The following AXIN1 variants were observed in gnomAD, a reference collection of about 807,000 sequenced individuals.
The protein encoded by AXIN1 is axin-1.
AXIN1 carries 30 observed loss-of-function variants against 76.4 expected under a neutral mutation model. The ratio of observed to expected loss-of-function variants is 0.39; its 90% CI spans 0.29 to 0.53. The LOEUF (loss-of-function observed/expected upper bound fraction) is 0.53, where lower values mean the gene tolerates loss of function less well. AXIN1 is among the 20% of genes least tolerant of loss of function. AXIN1 has a pLI of 0.66. For missense variants in AXIN1, 1,140 were observed against 1,198.8 expected (o/e 0.95, Z 0.72); for synonymous variants, 545 against 501.4 (o/e 1.09, Z -1.16).
intron 10 of AXIN1, 181 bp from the exon 11 acceptor site, chr16:288,429 G>C (rs1378373914): frequency 1.1e-6 from 1 of 885,766 alleles, no homozygotes; most frequent in Non-Finnish European, 1.8e-6. Flanking sequence ...ACCACATGTG[G>C]GTGAAGTGGG....
intron 1 of AXIN1, among the ~76,000 whole-genome samples, chr16:348,856 T>C (rs900725361): frequency 6.6e-6 from 1 of 151,200 alleles, no homozygotes; most frequent in South Asian, 2.1e-4. Context: ...CCCAGCACTT[T>C]GGGAAGCCAA....
chr16:340,032 T>C (rs2053885182), intron 2 of AXIN1, among the ~76,000 whole-genome samples: 1 of 150,880 alleles, frequency 6.6e-6, no homozygotes. Flanking sequence ...CCTTTCTTTT[T>C]CTTCTTCTTC....
At position 297,303 on chromosome 16, in the gene AXIN1, C is replaced by G. The variant is rs573085826; in HGVS notation, c.1785-77G>C. 5 of 1,573,724 alleles carry G rather than the reference C, an allele frequency of 3.2e-6. No individual in the cohort carries two copies. The African/African-American group carries it at 6.7e-5, about 21-fold the overall frequency. ...GCCCCTTCCTCGTCTGCGAGGCCCC[C>G]TCCTGGCATCTGTAAGGCTCCCGTG... On this transcript the variant is annotated intron_variant, in intron 6 of 10. Coordinates refer to ENST00000262320, the MANE Select transcript of AXIN1 (RefSeq NM_003502.4).
intron 3 of AXIN1, among the ~76,000 whole-genome samples, chr16:312,685 A>G (rs1423396109): frequency 6.6e-6 from 1 of 150,548 alleles, no homozygotes; most frequent in African/African-American, 2.5e-5. Context: ...CGAGGATGAA[A>G]GAAACCAGGA....
In AXIN1 at chr16:352,599, G is replaced by C. The variant is rs2054169984; in HGVS notation, c.-312C>G. ...TCCCACCCGCCCGCTCCGCGTGGACGCGGCTCCGGGCCGACTCCGGCCGGC... is the reference window on the plus strand; with the variant it reads ...TCCCACCCGCCCGCTCCGCGTGGACCCGGCTCCGGGCCGACTCCGGCCGGC... On this transcript the variant is annotated 5_prime_UTR_variant, in exon 1 of 11. Transcript: ENST00000262320. 5.8e-6 allele frequency: 1 copy of C among 172,224 alleles called. No individual in the cohort carries two copies. Among genetic ancestry groups the C allele is most frequent in the South Asian group, 1.9e-4 (1 of 5,276 alleles). 10.7% of individuals were successfully genotyped at this position (172,224 alleles called of 1,614,324 possible). A position where few individuals can be genotyped will look rare whatever the true frequency, so the allele number is the denominator to read the frequency against.
chr16:341,176 G>A (rs2053910691), intron 2 of AXIN1, among the ~76,000 whole-genome samples: 1 of 152,282 alleles, frequency 6.6e-6, no homozygotes, highest in South Asian at 2.1e-4. Context: ...CACTTGAGGA[G>A]CCCTTCAGCC....
chr16:331,931 G>T lies in AXIN1; in HGVS notation c.878+14217C>A, dbSNP rs556185551. 2.3e-3 allele frequency among the ~76,000 whole-genome samples: 345 copies of T among 152,294 alleles called. 1 individual carries two copies. Among genetic ancestry groups the T allele is most frequent in the Middle Eastern group, 0.01 (3 of 294 alleles). Reference sequence around the variant, plus strand: ...CCCTGCTCAAAAGCGCTGTTTCCAGGCCTGTGGGTTCCAGAGACCACGGTG... The same window carrying T: ...CCCTGCTCAAAAGCGCTGTTTCCAGTCCTGTGGGTTCCAGAGACCACGGTG... On this transcript the variant is annotated intron_variant, in intron 2 of 10. Transcript: ENST00000262320.
chr16:320,743 A>ATATATTTTTTTTTTTTTT (rs397722732), intron 2 of AXIN1, among the ~76,000 whole-genome samples: 1 of 107,664 alleles, frequency 9.3e-6, no homozygotes, highest in African/African-American at 4.6e-5. Flanking sequence ...ATATATATAT[A>ATATATTTTTTTTTTTTTT]TTTTTTTTTT....
intron 2 of AXIN1, among the ~76,000 whole-genome samples, chr16:329,571 G>A (rs925836088): frequency 6.6e-6 from 1 of 151,502 alleles, no homozygotes; most frequent in African/African-American, 2.4e-5. Flanking sequence ...TCAGCCTCCC[G>A]AGTAGATGGG....
At chr16:299,560 G>T (rs2052811895) in intron 5 of AXIN1, among the ~76,000 whole-genome samples, 3 of 151,890 alleles carry the variant, frequency 2.0e-5, no homozygotes, top group Non-Finnish European at 4.4e-5. Flanking sequence ...TCACCATGTT[G>T]GCCAGGCTGG....
chr16:348,686 T>C (rs58875191), intron 1 of AXIN1, among the ~76,000 whole-genome samples: 4,613 of 152,098 alleles, frequency 0.03, 241 homozygotes, highest in African/African-American at 0.098. Context: ...GCCTGTAGTC[T>C]CAGCTACTTG....
chr16:315,642 A>C (rs2053282653), intron 2 of AXIN1, among the ~76,000 whole-genome samples: 1 of 152,130 alleles, frequency 6.6e-6, no homozygotes, highest in Non-Finnish European at 1.5e-5. Flanking sequence ...CCTGGCTAAC[A>C]CAGTGAAACC....
At chr16:319,550 C>T (rs1032903635) in intron 2 of AXIN1, among the ~76,000 whole-genome samples, 15 of 152,210 alleles carry the variant, frequency 9.9e-5, no homozygotes, top group Non-Finnish European at 1.2e-4. Context: ...GCGGCCAGTG[C>T]ACTCTAGGCT....
chr16:293,364 A>G lies in AXIN1; in HGVS notation c.2186+124T>C. 1 of 964,134 alleles carries G rather than the reference A, an allele frequency of 1.0e-6. No homozygotes were observed. Among genetic ancestry groups the G allele is most frequent in the Non-Finnish European group, 1.6e-6 (1 of 641,708 alleles). 59.7% of individuals were successfully genotyped at this position (964,134 alleles called of 1,614,324 possible). On this transcript the variant is annotated intron_variant, in intron 8 of 10. Coordinates refer to ENST00000262320, the MANE Select transcript of AXIN1 (RefSeq NM_003502.4). This position sits in a 1 kb window ranked among gnomAD's most constrained non-coding sequence, Gnocchi z 4.6. The stretch of plus-strand genomic sequence containing the variant: ...TTCTCAGTGGATGGAAGGGCCCAGT[A>G]TGGCTGGGGGACACCCAGAGGGCCG...
intron 2 of AXIN1, among the ~76,000 whole-genome samples, chr16:329,650 A>C (rs536374193): frequency 2.7e-5 from 4 of 150,172 alleles, no homozygotes; most frequent in Admixed American, 1.3e-4. Context: ...GAGTCTCGCT[A>C]TGTCGCCCAG....
intron 3 of AXIN1, among the ~76,000 whole-genome samples, chr16:313,122 T>C (rs2141586798): frequency 6.6e-6 from 1 of 152,280 alleles, no homozygotes. Flanking sequence ...GACTGCATAG[T>C]GAGGCCTCGT....
At chr16:312,998 G>A (rs1446251157) in intron 3 of AXIN1, among the ~76,000 whole-genome samples, 1 of 152,132 alleles carries the variant, frequency 6.6e-6, no homozygotes, top group Non-Finnish European at 1.5e-5. Flanking sequence ...TGCATAGTGA[G>A]GCCTCGTCTC....
intron 2 of AXIN1, among the ~76,000 whole-genome samples, chr16:329,606 C>T (rs911726114): frequency 4.0e-5 from 6 of 151,582 alleles, no homozygotes; most frequent in South Asian, 2.1e-4. Flanking sequence ...ACACCATGCC[C>T]GGCTAATTTT....
chr16:340,978 T>A (rs958110870), intron 2 of AXIN1, among the ~76,000 whole-genome samples: 3 of 152,220 alleles, frequency 2.0e-5, no homozygotes, highest in Non-Finnish European at 2.9e-5. Context: ...CCGCAGGGGA[T>A]GAGCGACTGT....
Sources: allele counts gnomAD v4.1 joint callset (sites outside exome capture counted in the v4.1 genomes callset), GRCh38; gene constraint gnomAD v4.1.1; non-coding constraint Gnocchi (gnomAD v3.1); transcripts MANE v1.5; gene names NCBI Gene and HGNC (gene_info 2026-07-23, HGNC 2026-07-21).